The following GPM6A variants were observed in gnomAD, a reference collection of about 807,000 sequenced individuals.
GPM6A encodes the protein neuronal membrane glycoprotein M6-a.
Under a neutral mutation model 32.1 loss-of-function variants are expected in GPM6A, and 7 were observed. That is an observed-to-expected ratio of 0.22 (90% CI 0.12 to 0.41). The LOEUF is 0.41. Ranked by LOEUF, GPM6A falls within the 10% of genes least tolerant of loss-of-function variation. The probability of loss-of-function intolerance (pLI) is 1.00; values close to 1 mark genes in which losing one functional copy is unlikely to be tolerated. For synonymous variants in GPM6A, 130 were observed against 123.4 expected, an observed-to-expected ratio of 1.05 and a Z score of -0.35; for missense variants, 235 against 347.2, an observed-to-expected ratio of 0.68 and a Z score of 2.57.
chr4:175,708,037 A>G (rs1745303554), intron 1 of GPM6A, among the ~76,000 whole-genome samples: 1 of 152,222 alleles, frequency 6.6e-6, no homozygotes, highest in African/African-American at 2.4e-5. Context: ...GCATTTATCA[A>G]TGTATCCAAC....
rs569419506 is a variant in GPM6A, at chr4:175,651,610, C to A, written c.541+224G>T. Among the ~76,000 whole-genome samples, 9 of 152,204 alleles carry A rather than the reference C, an allele frequency of 5.9e-5. No individual in the cohort carries two copies. In the South Asian group the frequency reaches 1.7e-3, roughly 28 times the overall value. ...AGGTAATGTGATCTGACATCCTGGTCAATATACATGTGTATATGTTGTGAT... is the reference window on the plus strand; with the variant it reads ...AGGTAATGTGATCTGACATCCTGGTAAATATACATGTGTATATGTTGTGAT... On this transcript the variant is annotated intron_variant, in intron 4 of 6. Coordinates refer to ENST00000393658, the MANE Select transcript of GPM6A (RefSeq NM_201591.3).
chr4:175,902,158 GA>G (rs1476613142), intron 1 of GPM6A, among the ~76,000 whole-genome samples: 3 of 152,012 alleles, frequency 2.0e-5, no homozygotes, highest in Non-Finnish European at 4.4e-5. Flanking sequence ...TGCTACTCTG[GA>G]ATAAAAAAGA....
intron 5 of GPM6A, 28 bp from the exon 6 acceptor site, chr4:175,640,222 A>AG (rs770592247): frequency 2.5e-6 from 4 of 1,574,058 alleles, no homozygotes; most frequent in Non-Finnish European, 3.5e-6. Flanking sequence ...GAGAATCAAA[A>AG]GGTGTCAGAG....
At chr4:175,807,010 T>C (rs1053975699) in intron 1 of GPM6A, 2 of 152,236 alleles carry the variant, frequency 1.3e-5, no homozygotes, top group Admixed American at 6.5e-5. Context: ...AAATTATTAA[T>C]TCTTACACTT....
chr4:175,762,705 C>T (rs925266279), intron 1 of GPM6A, among the ~76,000 whole-genome samples: 20 of 152,080 alleles, frequency 1.3e-4, no homozygotes, highest in African/African-American at 4.6e-4. Flanking sequence ...AACATATGCG[C>T]ATCTGTGCAA....
chr4:175,637,562 ATATAT>A (rs1180106625), intron 6 of GPM6A, among the ~76,000 whole-genome samples: 10 of 99,748 alleles, frequency 1.0e-4, no homozygotes, highest in South Asian at 5.1e-4. Context: ...TTATATAAAA[ATATAT>A]TATATATTAT....
chr4:175,738,050 G>A (rs374547440), intron 1 of GPM6A, among the ~76,000 whole-genome samples: 1 of 151,384 alleles, frequency 6.6e-6, no homozygotes, highest in Admixed American at 6.6e-5. Flanking sequence ...CGATTCTCCT[G>A]CCTCAGCCTC....
At chr4:175,663,115 A>C (rs1742527420) in intron 3 of GPM6A, among the ~76,000 whole-genome samples, 1 of 152,206 alleles carries the variant, frequency 6.6e-6, no homozygotes, top group African/African-American at 2.4e-5. Context: ...ATGGGAATGC[A>C]AAATGGTACA....
intron 2 of GPM6A, among the ~76,000 whole-genome samples, chr4:175,674,641 A>G (rs1743260527): frequency 6.6e-6 from 1 of 152,228 alleles, no homozygotes; most frequent in Non-Finnish European, 1.5e-5. Flanking sequence ...TACAAATTCC[A>G]TATTTTTACG....
intron 1 of GPM6A, chr4:175,787,385 T>C (rs1733844357): frequency 6.5e-7 from 1 of 1,535,270 alleles, no homozygotes; most frequent in Non-Finnish European, 8.7e-7. Context: ...TGGCTCCTTG[T>C]GAACTCTATT....
intron 2 of GPM6A, among the ~76,000 whole-genome samples, chr4:175,688,782 A>G (rs1744132761): frequency 2.0e-5 from 3 of 152,206 alleles, no homozygotes; most frequent in Non-Finnish European, 4.4e-5. Context: ...GTAATTATGT[A>G]CCAATAAATA....
chr4:175,839,792 T>G (rs1037659586), intron 1 of GPM6A, among the ~76,000 whole-genome samples: 1 of 152,158 alleles, frequency 6.6e-6, no homozygotes, highest in Non-Finnish European at 1.5e-5. Context: ...ATATTATAAT[T>G]CCAAAGAGTT....
At chr4:175,822,108 A>T (rs1735294791) in intron 1 of GPM6A, among the ~76,000 whole-genome samples, 2 of 152,134 alleles carry the variant, frequency 1.3e-5, no homozygotes, top group African/African-American at 4.8e-5. Context: ...TTTATTATAA[A>T]GTATTGAATC....
intron 1 of GPM6A, among the ~76,000 whole-genome samples, chr4:175,725,887 A>T (rs1291194245): frequency 6.6e-6 from 1 of 152,196 alleles, no homozygotes; most frequent in Non-Finnish European, 1.5e-5. Context: ...ATTCAATTTG[A>T]CAACATGAAA....
chr4:175,642,467 A>AC, intron 4 of GPM6A, among the ~76,000 whole-genome samples: 1 of 151,760 alleles, frequency 6.6e-6, no homozygotes, highest in African/African-American at 2.4e-5. Context: ...TTTTGCCCTA[A>AC]CCCCCCTCCA....
At chr4:175,939,138 G>T (rs1451423288) in intron 1 of GPM6A, among the ~76,000 whole-genome samples, 1 of 152,170 alleles carries the variant, frequency 6.6e-6, no homozygotes, top group Non-Finnish European at 1.5e-5. Context: ...TATCTGCATA[G>T]AAGTCTAAAT....
In GPM6A at chr4:175,673,851, A is replaced by G. The variant is rs1743218089; in HGVS notation, c.231-15T>C. On this transcript the variant is annotated splice_polypyrimidine_tract_variant and intron_variant, in intron 2 of 6. Coordinates refer to ENST00000393658, the MANE Select transcript of GPM6A (RefSeq NM_201591.3). ...AGATGTCAATCCTGAGAGAAAAGAC[A>G]AAGTGATTTATTTCAATAACTTTTC... 7 of 1,570,394 alleles carry G rather than the reference A, an allele frequency of 4.5e-6. No individual in the cohort carries two copies. The highest frequency in any genetic ancestry group is 2.3e-5 in the East Asian group (1 of 44,368).
intron 1 of GPM6A, among the ~76,000 whole-genome samples, chr4:175,885,603 C>T (rs1737426759): frequency 6.6e-6 from 1 of 152,086 alleles, no homozygotes; most frequent in South Asian, 2.1e-4. Flanking sequence ...TGAACTCCAG[C>T]CTAGGTGACA....
intron 3 of GPM6A, among the ~76,000 whole-genome samples, chr4:175,672,911 G>C (rs1416946580): frequency 6.6e-6 from 1 of 152,200 alleles, no homozygotes; most frequent in Middle Eastern, 3.4e-3. Flanking sequence ...AGGCATTTTT[G>C]AACATTTCTG....
Sources: gnomAD v4.1 joint callset for allele counts (sites outside exome capture counted in the v4.1 genomes callset) on GRCh38, gnomAD v4.1.1 for gene constraint, MANE v1.5 for transcripts, NCBI Gene and HGNC (gene_info 2026-07-23, HGNC 2026-07-21) for gene names.